Variants in B3GLCT observed in about 807,000 individuals in gnomAD.
B3GLCT encodes the protein beta 3-glucosyltransferase.
A neutral mutation model predicts 63.4 loss-of-function variants in B3GLCT; 65 were observed. The ratio of observed to expected loss-of-function variants is 1.03; its 90% CI spans 0.84 to 1.26. The LOEUF (loss-of-function observed/expected upper bound fraction) is 1.26. Ranked by LOEUF, B3GLCT falls within the 50% of genes most tolerant of loss-of-function variation. The pLI, the probability that B3GLCT is intolerant of heterozygous loss-of-function variation, is 0.00. For synonymous variants in B3GLCT, 233 were observed against 219.2 expected, an observed-to-expected ratio of 1.06 and a Z score of -0.55; for missense variants, 577 against 604.8, an observed-to-expected ratio of 0.95 and a Z score of 0.48.
intron 3 of B3GLCT, among the ~76,000 whole-genome samples, chr13:31,226,954 T>C (rs4943234): frequency 0.61 from 93,490 of 152,050 alleles, 30,299 homozygotes; most frequent in Middle Eastern, 0.75. Flanking sequence ...ATCATACTCA[T>C]GTAATCTTTT....
chr13:31,297,804 G>C (rs546118239), intron 12 of B3GLCT, among the ~76,000 whole-genome samples: 1 of 152,132 alleles, frequency 6.6e-6, no homozygotes, highest in Non-Finnish European at 1.5e-5. Context: ...ATTTGCTAGA[G>C]TGGCTCTCAG....
chr13:31,308,362 A>AAAAAAAAAAAAAAAAC lies in B3GLCT; in HGVS notation c.1065-9195_1065-9194insAAAAAACAAAAAAAAA, dbSNP rs61561180. On this transcript the variant is annotated intron_variant, in intron 12 of 14. Coordinates refer to ENST00000343307, the MANE Select transcript of B3GLCT (RefSeq NM_194318.4). ...AAAAAAAAATTAAAAAAAAAAAAAC[A>AAAAAAAAAAAAAAAAC]AAAAAAAAAGCTAGTCCCACATGGC... Among the ~76,000 whole-genome samples the AAAAAAAAAAAAAAAAC allele has an allele frequency of 2.9e-4, 18 of 61,870 alleles. 1 individual carries two copies. Among genetic ancestry groups the AAAAAAAAAAAAAAAAC allele is most frequent in the Non-Finnish European group, 5.0e-4 (14 of 28,070 alleles). 40.6% of individuals were successfully genotyped at this position (61,870 alleles called of 152,430 possible). A position where few individuals can be genotyped will look rare whatever the true frequency, so the allele number is the denominator to read the frequency against.
chr13:31,222,169 C>A (rs143641475), intron 2 of B3GLCT, among the ~76,000 whole-genome samples: 2,308 of 151,680 alleles, frequency 0.015, 66 homozygotes, highest in African/African-American at 0.054. Flanking sequence ...ACCTCCGCCT[C>A]CTGGGTTCAA....
chr13:31,212,405 G>C (rs1869315012), intron 1 of B3GLCT, among the ~76,000 whole-genome samples: 2 of 151,712 alleles, frequency 1.3e-5, no homozygotes. Context: ...CTCCCGAGTA[G>C]CTGGGACTAC....
intron 1 of B3GLCT, 97 bp from the exon 2 acceptor site, chr13:31,214,954 A>G: frequency 8.4e-7 from 1 of 1,191,910 alleles, no homozygotes; most frequent in Non-Finnish European, 1.2e-6. Flanking sequence ...GTCTTGTTAA[A>G]GTATCTTTTT....
intron 7 of B3GLCT, among the ~76,000 whole-genome samples, chr13:31,267,519 A>G (rs976366079): frequency 6.6e-6 from 1 of 152,222 alleles, no homozygotes; most frequent in Non-Finnish European, 1.5e-5. Context: ...TCTTAAGTAT[A>G]TATTTGGAGT....
intron 9 of B3GLCT, among the ~76,000 whole-genome samples, chr13:31,275,386 C>A (rs1201945790): frequency 6.6e-6 from 1 of 152,184 alleles, no homozygotes. Flanking sequence ...AGGGACTGCC[C>A]ACCATAGCGC....
intron 2 of B3GLCT, among the ~76,000 whole-genome samples, chr13:31,219,555 G>A (rs533532230): frequency 1.3e-5 from 2 of 152,284 alleles, no homozygotes; most frequent in South Asian, 4.1e-4. Flanking sequence ...CTGGTCACGA[G>A]AACCAAAGTG....
chr13:31,224,716 T>TTG (rs145778442), intron 3 of B3GLCT, among the ~76,000 whole-genome samples: 1 of 152,046 alleles, frequency 6.6e-6, no homozygotes, highest in East Asian at 1.9e-4. Flanking sequence ...GTGGCCCGCT[T>TTG]TGTGTGTGTG....
At chr13:31,200,386 G>A (rs1868584513) in intron 1 of B3GLCT, among the ~76,000 whole-genome samples, 1 of 149,764 alleles carries the variant, frequency 6.7e-6, no homozygotes, top group Non-Finnish European at 1.5e-5. Context: ...GGCCCCTTTC[G>A]GTCTTGGGTC....
chr13:31,299,391 G>GT (rs1283106539), intron 12 of B3GLCT, among the ~76,000 whole-genome samples: 1 of 151,924 alleles, frequency 6.6e-6, no homozygotes, highest in Non-Finnish European at 1.5e-5. Flanking sequence ...CTGTTTAGTT[G>GT]TTTTTTTAAT....
intron 10 of B3GLCT, among the ~76,000 whole-genome samples, chr13:31,277,667 A>G (rs1872864296): frequency 6.6e-6 from 1 of 152,208 alleles, no homozygotes; most frequent in African/African-American, 2.4e-5. Flanking sequence ...TGATACATAC[A>G]AATTATATTT....
chr13:31,219,761 C>T (rs1427537258), intron 2 of B3GLCT, among the ~76,000 whole-genome samples: 3 of 152,196 alleles, frequency 2.0e-5, no homozygotes, highest in Non-Finnish European at 2.9e-5. Context: ...AAGAACAATT[C>T]CTATAAGCAG....
At chr13:31,272,435 C>T (rs1311717601) in intron 8 of B3GLCT, among the ~76,000 whole-genome samples, 1 of 152,014 alleles carries the variant, frequency 6.6e-6, no homozygotes, top group Admixed American at 6.6e-5. Context: ...CCAGGCTGGT[C>T]TTGAATTCCT....
intron 14 of B3GLCT, among the ~76,000 whole-genome samples, chr13:31,324,196 G>A (rs1029916388): frequency 1.3e-5 from 2 of 152,168 alleles, no homozygotes; most frequent in African/African-American, 4.8e-5. Context: ...TAAAAGGATT[G>A]GTAGCATTTA....
At chr13:31,240,132 C>A (rs920036961) in intron 4 of B3GLCT, among the ~76,000 whole-genome samples, 1 of 151,860 alleles carries the variant, frequency 6.6e-6, no homozygotes, top group African/African-American at 2.4e-5. Flanking sequence ...ATACTGCCCC[C>A]CTCTCTAAAA....
At chr13:31,279,670 C>T (rs998957254) in intron 10 of B3GLCT, among the ~76,000 whole-genome samples, 3 of 152,182 alleles carry the variant, frequency 2.0e-5, no homozygotes, top group African/African-American at 7.2e-5. Context: ...TTCAGGCACA[C>T]ATTGTCATTG....
At chr13:31,328,692 C>CAAAAAAA (rs34729471) in intron 14 of B3GLCT, among the ~76,000 whole-genome samples, 9 of 45,372 alleles carry the variant, frequency 2.0e-4, no homozygotes, top group Admixed American at 3.9e-4. Context: ...AACTCCATCT[C>CAAAAAAA]AAAAAAAAAA....
rs1047746807 is a variant in B3GLCT, at chr13:31,200,062, G to T, written c.-23G>T. On this transcript the variant is annotated 5_prime_UTR_variant, in exon 1 of 15. Coordinates refer to ENST00000343307, the MANE Select transcript of B3GLCT (RefSeq NM_194318.4). Reference sequence around the variant, plus strand: ...GTCTCCCTTCCCCGCGCCCAGGTAGGGCGCTCAGCCTCCGCCGCCAGGATG... The same window carrying T: ...GTCTCCCTTCCCCGCGCCCAGGTAGTGCGCTCAGCCTCCGCCGCCAGGATG... 83 of 1,342,536 alleles carry T rather than the reference G, an allele frequency of 6.2e-5. No individual in the cohort carries two copies. In the African/African-American group the frequency reaches 1.3e-3, roughly 20 times the overall value. 83.2% of individuals were successfully genotyped at this position (1,342,536 alleles called of 1,614,324 possible).
Sources: gnomAD v4.1 joint callset for allele counts (sites outside exome capture counted in the v4.1 genomes callset) on GRCh38, gnomAD v4.1.1 for gene constraint, MANE v1.5 for transcripts, NCBI Gene and HGNC (gene_info 2026-07-23, HGNC 2026-07-21) for gene names.